The following DNAH7 variants were observed in gnomAD, a reference collection of about 807,000 sequenced individuals.
DNAH7 encodes the protein dynein axonemal heavy chain 7, also known as axonemal beta dynein heavy chain 7.
In DNAH7, 397 loss-of-function variants were observed where a neutral mutation model predicts 444.6. That is an observed-to-expected ratio of 0.89 (90% CI 0.82 to 0.97). The LOEUF (loss-of-function observed/expected upper bound fraction) is 0.97, where lower values mean the gene tolerates loss of function less well. Among genes scored for constraint, DNAH7 ranks in the 50% least tolerant of loss-of-function variants. DNAH7 has a pLI of 0.00. For synonymous variants in DNAH7, 1,636 were observed against 1,624.4 expected (o/e 1.01, Z -0.17); for missense variants, 4,902 against 4,800.8 (o/e 1.02, Z -0.62).
At position 195,923,826 on chromosome 2, in the gene DNAH7, A is replaced by G. The variant is rs768154312; in HGVS notation, c.3613-19T>C. 9 of 1,606,230 alleles carry G rather than the reference A, an allele frequency of 5.6e-6. No homozygotes were observed. Among genetic ancestry groups the G allele is most frequent in the Non-Finnish European group, 7.7e-6 (9 of 1,173,454 alleles). On this transcript the variant is annotated intron_variant, in intron 22 of 64. Coordinates refer to ENST00000312428, the MANE Select transcript of DNAH7 (RefSeq NM_018897.3). ...CAAGAGCCTGAAAGAAAAGAAAATA[A>G]GATATGATTTCCCAATGTGATCAAA...
intron 2 of DNAH7, among the ~76,000 whole-genome samples, chr2:196,056,219 C>T (rs183826374): frequency 3.2e-4 from 49 of 151,972 alleles, no homozygotes; most frequent in Non-Finnish European, 4.7e-4. Flanking sequence ...CCGAGGCGGG[C>T]GGATTACCTG....
chr2:195,996,642 T>C (rs1441024812), intron 12 of DNAH7, among the ~76,000 whole-genome samples: 1 of 152,034 alleles, frequency 6.6e-6, no homozygotes, highest in Non-Finnish European at 1.5e-5. Context: ...GCCAGGCTGA[T>C]CTCAAACTCC....
rs752732605 is a variant in DNAH7, at chr2:195,809,890, T to C, written c.9762-19A>G. 2 of 1,481,316 alleles carry C rather than the reference T, an allele frequency of 1.4e-6. No homozygotes were observed. Among genetic ancestry groups the C allele is most frequent in the Admixed American group, 2.3e-5 (1 of 43,056 alleles). The allele number at this position is 1,481,316 out of a possible 1,614,324, so 91.8% of individuals were successfully genotyped here. A position where few individuals can be genotyped will look rare whatever the true frequency, so the allele number is the denominator to read the frequency against. ...CTGAAGCCTAAGGGTCAACAGAAAA[T>C]AAAGGAAATAAATAAAAATATACTT... is the stretch of plus-strand genomic sequence containing the variant. On this transcript the variant is annotated intron_variant, in intron 51 of 64. Transcript: ENST00000312428.
chr2:195,920,619 TAAG>T (rs1288754269), intron 24 of DNAH7, among the ~76,000 whole-genome samples: 8 of 152,122 alleles, frequency 5.3e-5, no homozygotes, highest in Admixed American at 4.6e-4. Flanking sequence ...AAAAATTCTA[TAAG>T]CTAACATTGG....
chr2:195,870,734 C>T (rs542898715), intron 40 of DNAH7, among the ~76,000 whole-genome samples: 2 of 152,300 alleles, frequency 1.3e-5, no homozygotes, highest in East Asian at 1.9e-4. Context: ...GGTGAGAAGG[C>T]ACCACCTATA....
intron 47 of DNAH7, among the ~76,000 whole-genome samples, chr2:195,835,437 A>G (rs183263517): frequency 6.6e-6 from 1 of 152,060 alleles, no homozygotes; most frequent in Non-Finnish European, 1.5e-5. Context: ...ATAACAGGAT[A>G]ACATATTAAA....
intron 10 of DNAH7, among the ~76,000 whole-genome samples, chr2:196,009,191 C>T (rs1191696973): frequency 1.3e-5 from 2 of 152,080 alleles, no homozygotes; most frequent in Non-Finnish European, 2.9e-5. Flanking sequence ...CTAGGGATTA[C>T]GTTTCAATAT....
At chr2:195,999,052 C>T in intron 12 of DNAH7, 1 of 709,928 alleles carries the variant, frequency 1.4e-6, no homozygotes, top group Non-Finnish European at 2.6e-6. Flanking sequence ...GGAGGGGCTG[C>T]CAGGAAACAA....
At chr2:195,902,233 T>C (rs950438648) in intron 27 of DNAH7, 1 of 152,194 alleles carries the variant, frequency 6.6e-6, no homozygotes, top group African/African-American at 2.4e-5. Context: ...TTCTAATGTG[T>C]TGTGTTAATT....
intron 8 of DNAH7, among the ~76,000 whole-genome samples, chr2:196,019,686 T>G (rs4850650): frequency 0.67 from 101,710 of 152,034 alleles, 34,500 homozygotes; most frequent in Non-Finnish European, 0.73. Context: ...ATTTTTAAAA[T>G]TCCTCTTTTA....
chr2:196,013,473 C>A (rs1484617299), intron 9 of DNAH7, among the ~76,000 whole-genome samples: 3 of 152,140 alleles, frequency 2.0e-5, no homozygotes, highest in Admixed American at 2.0e-4. Flanking sequence ...ACGGTTTACT[C>A]ATCTAAGTAT....
intron 12 of DNAH7, among the ~76,000 whole-genome samples, chr2:195,992,577 CCTA>C (rs1337984277): frequency 6.6e-6 from 1 of 152,156 alleles, no homozygotes; most frequent in Admixed American, 6.5e-5. Flanking sequence ...GAGTTGAGTG[CCTA>C]CTGTGTGCCT....
intron 5 of DNAH7, among the ~76,000 whole-genome samples, chr2:196,044,392 G>A (rs1696969982): frequency 6.6e-6 from 1 of 151,774 alleles, no homozygotes; most frequent in African/African-American, 2.4e-5. Flanking sequence ...CCTAAGCTAT[G>A]AGGACACAAA....
intron 46 of DNAH7, among the ~76,000 whole-genome samples, chr2:195,850,721 T>G (rs1474546539): frequency 6.6e-6 from 1 of 152,160 alleles, no homozygotes. Flanking sequence ...GTAAGGTCTC[T>G]TAGTTTGGGT....
chr2:195,799,490 T>C lies in DNAH7; in HGVS notation c.10177-18A>G, dbSNP rs780789898. 13 of 1,535,504 alleles carry C rather than the reference T, an allele frequency of 8.5e-6. No individual in the cohort carries two copies. Among genetic ancestry groups the C allele is most frequent in the Non-Finnish European group, 1.1e-5 (13 of 1,143,704 alleles). On this transcript the variant is annotated intron_variant, in intron 54 of 64. Coordinates refer to ENST00000312428, the MANE Select transcript of DNAH7 (RefSeq NM_018897.3). ...GGAATAACCTAGAAAGAGACAAGGA[T>C]ATAGTTGGAAGAATATTCAAAATCT...
At position 196,015,699 on chromosome 2, in the gene DNAH7, G is replaced by C. The variant is rs572301478; in HGVS notation, c.870-2793C>G. Among the ~76,000 whole-genome samples the C allele has an allele frequency of 6.0e-4, 92 of 152,290 alleles. 1 individual carries two copies. Among genetic ancestry groups the C allele is most frequent in the Middle Eastern group, 3.4e-3 (1 of 294 alleles). On this transcript the variant is annotated intron_variant, in intron 9 of 64. Coordinates refer to ENST00000312428, the MANE Select transcript of DNAH7 (RefSeq NM_018897.3). ...AACTCATGCATTTTAGAGTCACTCA[G>C]ACACGTTTTTGCATTAACATTCCCC...
Position 195,923,720 on chromosome 2 carries a change from C to A in DNAH7, c.3700G>T (p.Val1234Leu). The A allele has an allele frequency of 1.2e-6, 2 of 1,614,076 alleles. No homozygotes were observed. The highest frequency in any genetic ancestry group is 1.7e-6 in the Non-Finnish European group (2 of 1,179,998). Residue 1234 changes from valine to leucine, a missense_variant, in exon 23 of 65, where the codon GTA becomes TTA. Val to Leu is a conservative substitution (Grantham distance 32, BLOSUM62 1). Transcript: ENST00000312428. Reference sequence around the variant, plus strand: ...AGTACCACAAGTGCTCCCAGAGTTACGCGATTCTGCATGGACAATTTGCCA... The same window carrying A: ...AGTACCACAAGTGCTCCCAGAGTTAAGCGATTCTGCATGGACAATTTGCCA... ...VRGKLSMQNR[V>L]TLGALVVLDV...
intron 62 of DNAH7, among the ~76,000 whole-genome samples, chr2:195,755,638 TAATC>T (rs1223498746): frequency 6.6e-6 from 1 of 152,242 alleles, no homozygotes; most frequent in South Asian, 2.1e-4. Context: ...TCTAGGAAAT[TAATC>T]AATATTTCTA....
intron 20 of DNAH7, among the ~76,000 whole-genome samples, chr2:195,935,853 G>GAGA (rs1195797472): frequency 6.6e-6 from 1 of 152,124 alleles, no homozygotes; most frequent in East Asian, 1.9e-4. Flanking sequence ...TCCCAGGCAA[G>GAGA]AGAACAGTAC....
Sources: gnomAD v4.1 joint callset for allele counts (sites outside exome capture counted in the v4.1 genomes callset) on GRCh38, gnomAD v4.1.1 for gene constraint, MANE v1.5 for transcripts, NCBI Gene and HGNC (gene_info 2026-07-23, HGNC 2026-07-21) for gene names.